CELF2: variants seen among roughly 807,000 people sequenced by gnomAD.
CELF2 encodes the protein CUGBP Elav-like family member 2.
In CELF2, 8 loss-of-function variants were observed where a neutral mutation model predicts 62.6. The ratio of observed to expected loss-of-function variants is 0.13; its 90% confidence interval spans 0.07 to 0.23. The LOEUF (loss-of-function observed/expected upper bound fraction) is 0.23, where lower values mean the gene tolerates loss of function less well. Among genes scored for constraint, CELF2 ranks in the 10% least tolerant of loss-of-function variants. CELF2 has a pLI of 1.00. For synonymous variants in CELF2, 258 were observed against 250.0 expected, an observed-to-expected ratio of 1.03 and a Z score of -0.30; for missense variants, 333 against 671.0, an observed-to-expected ratio of 0.50 and a Z score of 5.56.
At chr10:11,017,778 CCT>C (rs1310824653), upstream of CELF2, 1 of 198,342 alleles carries the variant, frequency 5.0e-6, no homozygotes, top group African/African-American at 2.4e-5. This position sits in a 1 kb window ranked among gnomAD's most constrained non-coding sequence, Gnocchi z 5.5. Context: ...GGCGGCCCGC[CCT>C]GTGTCCCCGC....
intron 1 of CELF2, chr10:11,164,998 C>A: frequency 2.2e-6 from 2 of 897,354 alleles, no homozygotes; most frequent in Non-Finnish European, 2.7e-6. Flanking sequence ...TTTATTATTA[C>A]CACCTCTCTC....
chr10:10,969,620 T>C (rs968935304), intron 2 of CELF2, among the ~76,000 whole-genome samples: 2 of 152,056 alleles, frequency 1.3e-5, no homozygotes, highest in Non-Finnish European at 2.9e-5. Context: ...TTCTCTGTCA[T>C]TGTGCACACT....
chr10:10,705,523 G>T, the CELF2 span, among the ~76,000 whole-genome samples: 1 of 152,244 alleles, frequency 6.6e-6, no homozygotes, highest in African/African-American at 2.4e-5. Flanking sequence ...GTGGGGTAAA[G>T]AAATTCCACC....
At chr10:10,915,658 C>T (rs920537515) in intron 1 of CELF2, among the ~76,000 whole-genome samples, 5 of 152,160 alleles carry the variant, frequency 3.3e-5, no homozygotes, top group Non-Finnish European at 5.9e-5. Context: ...TGGTTTTGAA[C>T]TCCTGGGCTC....
intron 1 of CELF2, among the ~76,000 whole-genome samples, chr10:11,109,959 T>A (rs557018882): frequency 4.5e-4 from 68 of 152,086 alleles, no homozygotes; most frequent in Non-Finnish European, 6.0e-4. Context: ...TTAATCTGTG[T>A]CTCAAAAAAT....
the CELF2 span, among the ~76,000 whole-genome samples, chr10:10,745,133 CA>C: frequency 2.5e-5 from 2 of 78,628 alleles, no homozygotes; most frequent in African/African-American, 3.9e-5. Flanking sequence ...AAAAACAAAA[CA>C]AAAAAAAACT....
chr10:11,169,298 G>C (rs1167509100), intron 2 of CELF2: 1 of 152,218 alleles, frequency 6.6e-6, no homozygotes, highest in Non-Finnish European at 1.5e-5. Context: ...TGAGCTAAGA[G>C]TAAATGAGTA....
intron 5 of CELF2, among the ~76,000 whole-genome samples, chr10:11,264,642 A>G (rs1398898675): frequency 6.6e-6 from 1 of 152,258 alleles, no homozygotes; most frequent in Non-Finnish European, 1.5e-5. Context: ...ACTTGGAAAC[A>G]GATGGTAAAT....
the CELF2 span, among the ~76,000 whole-genome samples, chr10:10,469,150 T>C: frequency 2.6e-5 from 4 of 152,010 alleles, no homozygotes; most frequent in African/African-American, 9.7e-5. Flanking sequence ...ACAAATATTA[T>C]TGATGTTTGT....
chr10:10,900,350 A>G (rs1444596376), intron 1 of CELF2, among the ~76,000 whole-genome samples: 1 of 152,242 alleles, frequency 6.6e-6, no homozygotes, highest in East Asian at 1.9e-4. Flanking sequence ...ATTGAATCCA[A>G]CAATTTATAG....
intron 1 of CELF2, among the ~76,000 whole-genome samples, chr10:11,162,464 G>A (rs1409372360): frequency 6.6e-6 from 1 of 152,186 alleles, no homozygotes; most frequent in African/African-American, 2.4e-5. Flanking sequence ...TTCCAAAAGG[G>A]CAGGTAGTTT....
intron 3 of CELF2, among the ~76,000 whole-genome samples, chr10:11,222,128 G>A (rs1382210078): frequency 1.3e-5 from 2 of 151,452 alleles, no homozygotes; most frequent in Non-Finnish European, 3.0e-5. Context: ...TGGCCTCTGT[G>A]TTCTTTCCTA....
chr10:11,070,604 C>A (rs1279669370), intron 1 of CELF2, among the ~76,000 whole-genome samples: 1 of 152,088 alleles, frequency 6.6e-6, no homozygotes, highest in Non-Finnish European at 1.5e-5. Flanking sequence ...TCGTGAAAAT[C>A]TTGAGCAAAG....
chr10:11,328,970 C>G lies in CELF2; in HGVS notation c.1483C>G (p.Gln495Glu), dbSNP rs1469731413. ...TCCAGTCTCTGCACAAGCTGCTATC[C>G]AAGCTATGAATGGCTTTCAGATCGG... ...DNPVSAQAAI[Q>E]AMNGFQIGMK... The change falls in exon 13 of 13, where the codon CAA becomes GAA. Residue 495 changes from glutamine to glutamate, a missense_variant. Transcript: ENST00000633077. This position sits in a 1 kb window ranked among gnomAD's most constrained non-coding sequence, Gnocchi z 6.4. 1 of 1,612,186 alleles carries G rather than the reference C, an allele frequency of 6.2e-7. No individual in the cohort carries two copies. Among genetic ancestry groups the G allele is most frequent in the Non-Finnish European group, 8.5e-7 (1 of 1,178,806 alleles).
rs61363639 is a variant in CELF2 at position 11,257,336 on chromosome 10, CAAAA to C, written c.404-385_404-382del. ...GTCATTCAGGTTAAAAGACCATCTA[CAAAA>C]AAAAAAAAAAAAAAAACAGAATAAA... is the stretch of plus-strand genomic sequence containing the variant. On this transcript the variant is annotated intron_variant, in intron 4 of 12. Transcript: ENST00000633077. Among the ~76,000 whole-genome samples the C allele has an allele frequency of 7.8e-4, 89 of 114,712 alleles. 1 individual carries two copies. Among genetic ancestry groups the C allele is most frequent in the African/African-American group, 1.8e-3 (57 of 31,340 alleles). The allele number at this position is 114,712 out of a possible 152,430, so 75.3% of individuals were successfully genotyped here. A position where few individuals can be genotyped will look rare whatever the true frequency, so the allele number is the denominator to read the frequency against.
At chr10:11,283,758 G>C (rs113995931) in intron 8 of CELF2, among the ~76,000 whole-genome samples, 1 of 151,910 alleles carries the variant, frequency 6.6e-6, no homozygotes, top group African/African-American at 2.4e-5. Context: ...GGCTCTGCTT[G>C]TCATTAATCA....
the CELF2 span, among the ~76,000 whole-genome samples, chr10:10,684,977 A>T: frequency 0.01 from 1,564 of 152,296 alleles, 26 homozygotes; most frequent in African/African-American, 0.036. Context: ...CTCTTTGGTT[A>T]GAGCAAAACC....
At chr10:10,590,605 G>T in the CELF2 span, among the ~76,000 whole-genome samples, 26 of 152,208 alleles carry the variant, frequency 1.7e-4, no homozygotes, top group African/African-American at 6.0e-4. Context: ...GTGTCTCTGT[G>T]TTCCACCCTC....
At chr10:11,185,091 A>AT (rs1045743478) in intron 2 of CELF2, among the ~76,000 whole-genome samples, 2 of 151,862 alleles carry the variant, frequency 1.3e-5, no homozygotes, top group Admixed American at 6.6e-5. Flanking sequence ...TGGATATTAG[A>AT]TTTTTTTTAA....
Sources: gnomAD v4.1 joint callset for allele counts (sites outside exome capture counted in the v4.1 genomes callset) on GRCh38, gnomAD v4.1.1 for gene constraint, Gnocchi (gnomAD v3.1) non-coding constraint, MANE v1.5 for transcripts, NCBI Gene and HGNC (gene_info 2026-07-23, HGNC 2026-07-21) for gene names.